Variants in TMEM74 observed in about 807,000 individuals in gnomAD.
The protein encoded by TMEM74 is transmembrane protein 74.
TMEM74 carries 13 observed loss-of-function variants against 18.1 expected under a neutral mutation model. That is an observed-to-expected ratio of 0.72 (90% confidence interval 0.47 to 1.14). The LOEUF (loss-of-function observed/expected upper bound fraction) is 1.14, where lower values mean the gene tolerates loss of function less well. TMEM74 is among the 50% of genes most tolerant of loss of function. The pLI, the probability that TMEM74 is intolerant of heterozygous loss-of-function variation, is 0.00. For missense variants in TMEM74, 372 were observed against 375.9 expected, an observed-to-expected ratio of 0.99 and a Z score of 0.09; for synonymous variants, 159 against 146.6, an observed-to-expected ratio of 1.08 and a Z score of -0.61.
At chr8:108,644,332 T>C (rs1259999579) in intron 2 of TMEM74, among the ~76,000 whole-genome samples, 1 of 152,176 alleles carries the variant, frequency 6.6e-6, no homozygotes, top group Non-Finnish European at 1.5e-5. Flanking sequence ...CTCTACTTTT[T>C]ACCAGATGCA....
rs1478087813 is a variant in TMEM74 at position 108,782,898 on chromosome 8, T to C, written c.*1283A>G. ...TCCCTTTTCTGAACCGTCACCATAA[T>C]GAGGCGGTCTGTCACTGTGAACACC... On this transcript the variant is annotated 3_prime_UTR_variant, in exon 2 of 2. Coordinates refer to ENST00000297459, the MANE Select transcript of TMEM74 (RefSeq NM_153015.3). 6.6e-6 allele frequency among the ~76,000 whole-genome samples: 1 copy of C among 152,174 alleles called. No homozygotes were observed. Among genetic ancestry groups the C allele is most frequent in the Non-Finnish European group, 1.5e-5 (1 of 68,032 alleles).
At chr8:108,658,883 T>TA (rs1563742628) in intron 1 of TMEM74, among the ~76,000 whole-genome samples, 1 of 151,800 alleles carries the variant, frequency 6.6e-6, no homozygotes, top group South Asian at 2.1e-4. Context: ...GGAGAGGAAA[T>TA]AAAAATAATA....
At chr8:108,665,357 G>C (rs1236202301) in intron 1 of TMEM74, among the ~76,000 whole-genome samples, 2 of 152,118 alleles carry the variant, frequency 1.3e-5, no homozygotes, top group Non-Finnish European at 2.9e-5. Context: ...GGGAGTGTGA[G>C]AGCAAATGAT....
At chr8:108,628,485 G>A (rs1812518440) in intron 2 of TMEM74, among the ~76,000 whole-genome samples, 1 of 152,124 alleles carries the variant, frequency 6.6e-6, no homozygotes, top group African/African-American at 2.4e-5. Flanking sequence ...TGGCTGCATA[G>A]TATTTTATGG....
At chr8:108,649,425 T>C (rs1205346504) in intron 2 of TMEM74, among the ~76,000 whole-genome samples, 2 of 152,148 alleles carry the variant, frequency 1.3e-5, no homozygotes, top group Admixed American at 1.3e-4. Context: ...GAAGTAACAA[T>C]AACTCTTATT....
Position 108,769,950 on chromosome 8 carries a change from CT to C in TMEM74, n.119+17525del, listed in dbSNP as rs202033037. On this transcript the variant is annotated intron_variant and non_coding_transcript_variant, in intron 1 of 3. Coordinates refer to the TMEM74 transcript ENST00000518838. ...CAGTTTCCAATTTCCCTTCTAGCAT[CT>C]TTTTTTTTTTTTAAACCTGGTATTA... Among the ~76,000 whole-genome samples, 1,250 of 143,888 alleles carry C rather than the reference CT, an allele frequency of 8.7e-3. 6 individuals are homozygous for C. Among genetic ancestry groups the C allele is most frequent in the African/African-American group, 0.02 (787 of 39,604 alleles). The allele number at this position is 143,888 out of a possible 152,430, so 94.4% of individuals were successfully genotyped here. A position where few individuals can be genotyped will look rare whatever the true frequency, so the allele number is the denominator to read the frequency against.
chr8:108,748,449 G>A (rs1360769712), intron 1 of TMEM74, among the ~76,000 whole-genome samples: 1 of 151,896 alleles, frequency 6.6e-6, no homozygotes, highest in Non-Finnish European at 1.5e-5. Context: ...TACATTCCTG[G>A]TAGCTGCTGG....
At chr8:108,608,298 C>CAAAAAAAA (rs374774953) in intron 3 of TMEM74, among the ~76,000 whole-genome samples, 2 of 72,412 alleles carry the variant, frequency 2.8e-5, no homozygotes, top group Non-Finnish European at 5.9e-5. Context: ...AAGACTCTGT[C>CAAAAAAAA]AAAAAAAAAA....
intron 1 of TMEM74, among the ~76,000 whole-genome samples, chr8:108,731,904 G>A (rs1319766891): frequency 6.6e-6 from 1 of 151,892 alleles, no homozygotes; most frequent in Non-Finnish European, 1.5e-5. Context: ...AAACAGGAAG[G>A]GAAGTATGGA....
At position 108,787,271 on chromosome 8, in the gene TMEM74, G is replaced by A. The variant is rs142178907; in HGVS notation, c.-40+205C>T. ...GAGCGAGCCCCAAGCACCTGGCAGC[G>A]GTGCCCCCAGCAGGCGCCGAGGAAT... On this transcript the variant is annotated intron_variant, in intron 1 of 1. Transcript: ENST00000297459. 4.4e-3 allele frequency among the ~76,000 whole-genome samples: 665 copies of A among 152,300 alleles called. 4 individuals carry two copies. Among genetic ancestry groups the A allele is most frequent in the African/African-American group, 0.015 (614 of 41,560 alleles).
chr8:108,658,755 C>A (rs1319117460), intron 1 of TMEM74, among the ~76,000 whole-genome samples: 1 of 152,164 alleles, frequency 6.6e-6, no homozygotes, highest in Non-Finnish European at 1.5e-5. Flanking sequence ...TGAGCCTCAA[C>A]TGTAAAGCCA....
chr8:108,756,194 T>C (rs1234788112), intron 1 of TMEM74, among the ~76,000 whole-genome samples: 1 of 152,024 alleles, frequency 6.6e-6, no homozygotes, highest in Non-Finnish European at 1.5e-5. Flanking sequence ...ATTCCAGAAA[T>C]AGTATAAATC....
intron 2 of TMEM74, among the ~76,000 whole-genome samples, chr8:108,629,904 C>A (rs964126818): frequency 2.6e-5 from 4 of 151,950 alleles, no homozygotes; most frequent in African/African-American, 9.7e-5. Context: ...AAACCAATGA[C>A]ACTATGAAGA....
intron 1 of TMEM74, among the ~76,000 whole-genome samples, chr8:108,741,510 T>C (rs1813799839): frequency 6.6e-6 from 1 of 152,222 alleles, no homozygotes; most frequent in Non-Finnish European, 1.5e-5. Flanking sequence ...GCATAATTGC[T>C]AATTGCTTCA....
In TMEM74 at chr8:108,738,417, C is replaced by T. The variant is rs4734183; in HGVS notation, n.119+49059G>A. On this transcript the variant is annotated intron_variant and non_coding_transcript_variant, in intron 1 of 3. Transcript: ENST00000518838. ...GGTCTCCTTCATCTCTCTTTCTTCA[C>T]GCATCTTACTACAGAAAGTTCATTT... Among the ~76,000 whole-genome samples, 140 of 152,250 alleles carry T rather than the reference C, an allele frequency of 9.2e-4. No individual in the cohort carries two copies. In the East Asian group the frequency reaches 0.02, roughly 22 times the overall value.
chr8:108,657,859 A>AAATACATAT (rs1554630268), intron 1 of TMEM74, among the ~76,000 whole-genome samples: 1 of 49,878 alleles, frequency 2.0e-5, no homozygotes, highest in Non-Finnish European at 3.5e-5. Flanking sequence ...AAAAAAAAAA[A>AAATACATAT]ATATATATAT....
chr8:108,677,287 T>G (rs974555737), intron 1 of TMEM74, among the ~76,000 whole-genome samples: 1 of 152,160 alleles, frequency 6.6e-6, no homozygotes, highest in Non-Finnish European at 1.5e-5. Flanking sequence ...TAAATCTAGA[T>G]TTTTGTAAAA....
At chr8:108,711,183 A>G (rs1563532358) in intron 1 of TMEM74, among the ~76,000 whole-genome samples, 1 of 152,208 alleles carries the variant, frequency 6.6e-6, no homozygotes, top group African/African-American at 2.4e-5. Context: ...TCATTTCTAC[A>G]TATAAGAAAC....
At chr8:108,609,637 GA>G (rs922535426) in intron 2 of TMEM74, among the ~76,000 whole-genome samples, 6 of 151,550 alleles carry the variant, frequency 4.0e-5, no homozygotes, top group East Asian at 1.9e-4. Flanking sequence ...GACAGAGCAA[GA>G]AAAAAAAATT....
Sources: allele counts gnomAD v4.1 joint callset (sites outside exome capture counted in the v4.1 genomes callset), GRCh38; gene constraint gnomAD v4.1.1; transcripts MANE v1.5; gene names NCBI Gene and HGNC (gene_info 2026-07-23, HGNC 2026-07-21).